The following ARHGAP19 variants were observed in gnomAD, a reference collection of about 807,000 sequenced individuals.
The protein encoded by ARHGAP19 is Rho GTPase activating protein 19.
A neutral mutation model predicts 60.9 loss-of-function variants in ARHGAP19; 48 were observed. The observed-to-expected ratio is 0.79, with a 90% confidence interval of 0.62 to 1.00. The LOEUF (loss-of-function observed/expected upper bound fraction) is 1.00. Ranked by LOEUF, ARHGAP19 falls within the 50% of genes least tolerant of loss-of-function variation. The pLI is 0.00. For synonymous variants in ARHGAP19, 209 were observed against 215.5 expected, an observed-to-expected ratio of 0.97 and a Z score of 0.27; for missense variants, 562 against 597.2, an observed-to-expected ratio of 0.94 and a Z score of 0.61.
chr10:97,272,224 C>T lies in ARHGAP19; in HGVS notation c.57-6099G>A, dbSNP rs151080158. Among the ~76,000 whole-genome samples, 122 of 149,984 alleles carry T rather than the reference C, an allele frequency of 8.1e-4. No homozygotes were observed. In the Middle Eastern group the frequency reaches 0.017, roughly 21 times the overall value. On this transcript the variant is annotated intron_variant, in intron 1 of 11. Transcript: ENST00000358531. ...GATCTCAGCTAACTGCAACTTCCAC[C>T]TCCCAGGTTCAAGCAATTCTCCTGC...
chr10:97,282,839 CTTTTTTTTTTT>C (rs56387291), intron 1 of ARHGAP19, among the ~76,000 whole-genome samples: 1 of 90,994 alleles, frequency 1.1e-5, no homozygotes, highest in Non-Finnish European at 2.3e-5. Context: ...TTTCTTTTTT[CTTTTTTTTTTT>C]TTTTTTTTTG....
chr10:97,240,681 T>C (rs1226909998), intron 8 of ARHGAP19, among the ~76,000 whole-genome samples: 1 of 152,314 alleles, frequency 6.6e-6, no homozygotes, highest in Middle Eastern at 3.4e-3. Context: ...ACATTTAAAA[T>C]GTTCGTAGCC....
rs1481830235 is a variant in ARHGAP19 at position 97,226,075 on chromosome 10, C to T, written c.*47G>A. On this transcript the variant is annotated 3_prime_UTR_variant, in exon 12 of 12. Coordinates refer to ENST00000358531, the MANE Select transcript of ARHGAP19 (RefSeq NM_032900.6). ...TGTGGGCAGGAATAACACCTGCCCA[C>T]TAAACAGAAAATTCTGCATGGACCA... 1 of 1,607,426 alleles carries T rather than the reference C, an allele frequency of 6.2e-7. No individual in the cohort carries two copies. The highest frequency in any genetic ancestry group is 8.5e-7 in the Non-Finnish European group (1 of 1,175,598).
intron 5 of ARHGAP19, 197 bp from the exon 6 acceptor site, chr10:97,256,601 C>T (rs183545011): frequency 5.4e-5 from 23 of 425,064 alleles, no homozygotes; most frequent in Admixed American, 5.0e-4. Flanking sequence ...CCTGAAGTGA[C>T]GAGGAAATCC....
At chr10:97,257,520 G>A (rs1842772272) in intron 5 of ARHGAP19, among the ~76,000 whole-genome samples, 2 of 151,796 alleles carry the variant, frequency 1.3e-5, no homozygotes, top group Admixed American at 1.3e-4. Flanking sequence ...TGCCCAGGCT[G>A]GTCTCAACCT....
intron 8 of ARHGAP19, among the ~76,000 whole-genome samples, chr10:97,236,769 GTGC>G: frequency 7.5e-6 from 1 of 133,916 alleles, no homozygotes; most frequent in Admixed American, 8.5e-5. Context: ...AGCCATGATT[GTGC>G]CACTGCACTC....
rs770157643 is a variant in ARHGAP19 at position 97,264,926 on chromosome 10, G to C, written c.323-20C>G. ...CTTTTTCTGAAAAACCATATGATAT[G>C]ACAGGGCTATATTTCACACAAATAG... On this transcript the variant is annotated intron_variant, in intron 2 of 11. Coordinates refer to ENST00000358531, the MANE Select transcript of ARHGAP19 (RefSeq NM_032900.6). 6.4e-7 allele frequency: 1 copy of C among 1,569,456 alleles called. No homozygotes were observed. Among genetic ancestry groups the C allele is most frequent in the Admixed American group, 1.7e-5 (1 of 59,728 alleles).
Position 97,271,654 on chromosome 10 carries a change from G to C in ARHGAP19, c.57-5529C>G, listed in dbSNP as rs1842960626. 2.0e-5 allele frequency among the ~76,000 whole-genome samples: 3 copies of C among 152,018 alleles called. No individual in the cohort carries two copies. The South Asian group carries it at 6.2e-4, about 32-fold the overall frequency. ...CACTTAGCAAAATCAAATTCAGGTG[G>C]TATATTTTTATTCTCAGTTTGCTAT... On this transcript the variant is annotated intron_variant, in intron 1 of 11. Coordinates refer to ENST00000358531, the MANE Select transcript of ARHGAP19 (RefSeq NM_032900.6).
At chr10:97,285,483 C>T (rs1452571243) in intron 1 of ARHGAP19, among the ~76,000 whole-genome samples, 2 of 150,974 alleles carry the variant, frequency 1.3e-5, no homozygotes, top group Non-Finnish European at 2.9e-5. Context: ...CGGGTATGTG[C>T]CACCATACCT....
At chr10:97,235,115 A>C in intron 9 of ARHGAP19, 102 bp downstream of exon 9, 135 of 993,202 alleles carry the variant, frequency 1.4e-4, no homozygotes, top group Non-Finnish European at 1.8e-4. Flanking sequence ...AGCCCTTTAT[A>C]GGGTCCCCAA....
chr10:97,237,813 G>A (rs1842405977), intron 8 of ARHGAP19, among the ~76,000 whole-genome samples: 2 of 152,100 alleles, frequency 1.3e-5, no homozygotes, highest in South Asian at 2.1e-4. Flanking sequence ...AGAGGTTGCA[G>A]TGAGCCAAGT....
rs1482526974 is a variant in ARHGAP19, at chr10:97,286,025, C to G, written c.56+6547G>C. Among the ~76,000 whole-genome samples the G allele has an allele frequency of 2.0e-5, 3 of 152,100 alleles. No individual in the cohort carries two copies. In the East Asian group the frequency reaches 5.8e-4, roughly 29 times the overall value. ...TCCTTCCCCTCCTTCCAAGACAGGC[C>G]TTATTTACAAATATGATCAAACTCT... On this transcript the variant is annotated intron_variant, in intron 1 of 11. Coordinates refer to ENST00000358531, the MANE Select transcript of ARHGAP19 (RefSeq NM_032900.6).
At chr10:97,263,663 A>G in intron 3 of ARHGAP19, 34 bp from the exon 4 acceptor site, 1 of 1,580,278 alleles carries the variant, frequency 6.3e-7, no homozygotes, top group Non-Finnish European at 8.7e-7. Flanking sequence ...AGGACAGGCA[A>G]AAAGGAAGCA....
At chr10:97,261,459 A>C (rs1184610265) in intron 4 of ARHGAP19, among the ~76,000 whole-genome samples, 1 of 152,206 alleles carries the variant, frequency 6.6e-6, no homozygotes, top group Non-Finnish European at 1.5e-5. Flanking sequence ...TAAACGAATG[A>C]ACTGAACTGG....
chr10:97,265,404 C>G (rs1842885010), intron 2 of ARHGAP19: 2 of 176,408 alleles, frequency 1.1e-5, no homozygotes, highest in South Asian at 2.6e-4. Context: ...GAGGCTGAAA[C>G]AGAAGGAGAG....
chr10:97,289,809 G>A (rs1253400), intron 1 of ARHGAP19, among the ~76,000 whole-genome samples: 35,415 of 149,680 alleles, frequency 0.24, 4,576 homozygotes, highest in Non-Finnish European at 0.3. Flanking sequence ...ACCTGTGATC[G>A]TATCACTGCA....
chr10:97,229,924 C>T (rs1255631324), intron 9 of ARHGAP19, 50 bp from the exon 10 acceptor site: 1 of 1,325,726 alleles, frequency 7.5e-7, no homozygotes, highest in South Asian at 1.2e-5. Context: ...ACTGCATCTA[C>T]AGTGGAGCTA....
At chr10:97,253,878 G>A (rs1048903762) in intron 6 of ARHGAP19, among the ~76,000 whole-genome samples, 6 of 152,214 alleles carry the variant, frequency 3.9e-5, no homozygotes, top group African/African-American at 9.6e-5. Flanking sequence ...AAAGAAATTC[G>A]TGCATAGTAT....
intron 11 of ARHGAP19, among the ~76,000 whole-genome samples, chr10:97,227,021 T>A (rs1162761642): frequency 2.0e-5 from 3 of 152,158 alleles, no homozygotes; most frequent in African/African-American, 7.2e-5. Flanking sequence ...GCTCCCAGCA[T>A]CGATGGGGTA....
Sources: allele counts gnomAD v4.1 joint callset (sites outside exome capture counted in the v4.1 genomes callset), GRCh38; gene constraint gnomAD v4.1.1; transcripts MANE v1.5; gene names NCBI Gene and HGNC (gene_info 2026-07-23, HGNC 2026-07-21).